Variants in RGL1 observed in about 807,000 individuals in gnomAD.
RGL1 encodes ral guanine nucleotide dissociation stimulator like 1, also known as ral guanine nucleotide dissociation stimulator-like 1.
A neutral mutation model predicts 95.2 loss-of-function variants in RGL1; 24 were observed. The observed-to-expected ratio is 0.25, with a 90% CI of 0.18 to 0.35. The LOEUF (loss-of-function observed/expected upper bound fraction) is 0.35. Among genes scored for constraint, RGL1 ranks in the 10% least tolerant of loss-of-function variants. The pLI, the probability that RGL1 is intolerant of heterozygous loss-of-function variation, is 1.00. For missense variants in RGL1, 715 were observed against 936.3 expected (o/e 0.76, Z 3.08); for synonymous variants, 329 against 344.9 (o/e 0.95, Z 0.51).
At chr1:183,673,551 CTG>C (rs1202471095) in intron 1 of RGL1, among the ~76,000 whole-genome samples, 2 of 152,198 alleles carry the variant, frequency 1.3e-5, no homozygotes, top group African/African-American at 4.8e-5. Context: ...CAAATGCCCT[CTG>C]TGTGACTTAA....
intron 1 of RGL1, among the ~76,000 whole-genome samples, chr1:183,659,668 C>A (rs895163659): frequency 6.6e-6 from 1 of 152,010 alleles, no homozygotes; most frequent in Non-Finnish European, 1.5e-5. Flanking sequence ...CCCAATCTAG[C>A]AAGGCAGGCC....
At chr1:183,890,537 G>C (rs1032347318) in intron 8 of RGL1, among the ~76,000 whole-genome samples, 2 of 152,122 alleles carry the variant, frequency 1.3e-5, no homozygotes, top group Admixed American at 1.3e-4. Context: ...TTCTATATCA[G>C]CTTTACATGT....
chr1:183,742,387 C>T, intron 2 of RGL1: 1 of 1,422,984 alleles, frequency 7.0e-7, no homozygotes, highest in Non-Finnish European at 9.8e-7. Context: ...GCCAGCTTGG[C>T]AAATCTTTAT....
chr1:183,818,049 A>G (rs574177460), intron 2 of RGL1, among the ~76,000 whole-genome samples: 30 of 152,348 alleles, frequency 2.0e-4, no homozygotes, highest in Non-Finnish European at 3.5e-4. Context: ...ATGTTGATCT[A>G]GACAATCCAC....
chr1:183,804,954 C>T (rs796199326), upstream of RGL1, among the ~76,000 whole-genome samples: 6 of 152,338 alleles, frequency 3.9e-5, no homozygotes, highest in African/African-American at 1.4e-4. Flanking sequence ...AGTGTTGTTT[C>T]CCAATCACCT....
At chr1:183,713,386 C>G (rs971182427) in intron 1 of RGL1, among the ~76,000 whole-genome samples, 6 of 140,834 alleles carry the variant, frequency 4.3e-5, no homozygotes, top group Non-Finnish European at 9.2e-5. Context: ...ACCCCCCCCC[C>G]CCGCTTTTAT....
intron 1 of RGL1, chr1:183,652,935 C>T (rs191744524): frequency 1.3e-5 from 2 of 152,354 alleles, no homozygotes; most frequent in East Asian, 3.9e-4. Context: ...AATCTGCTCT[C>T]ATTTCACTCA....
intron 1 of RGL1, among the ~76,000 whole-genome samples, chr1:183,665,374 T>G (rs1312989298): frequency 6.6e-6 from 1 of 152,152 alleles, no homozygotes; most frequent in African/African-American, 2.4e-5. Context: ...TTGTCTGGTT[T>G]TGGTATTAGA....
chr1:183,910,399 C>T (rs563088352), intron 14 of RGL1, among the ~76,000 whole-genome samples: 6 of 152,132 alleles, frequency 3.9e-5, no homozygotes, highest in Non-Finnish European at 7.4e-5. Context: ...GCCTGGCCCC[C>T]TGTTGATTTT....
At chr1:183,784,918 T>C (rs1660081702) in intron 2 of RGL1, among the ~76,000 whole-genome samples, 1 of 152,232 alleles carries the variant, frequency 6.6e-6, no homozygotes, top group Non-Finnish European at 1.5e-5. Flanking sequence ...CCCCTTCTAA[T>C]ACTGTGGCAT....
chr1:183,773,256 T>C (rs963400472), intron 2 of RGL1, among the ~76,000 whole-genome samples: 1 of 152,140 alleles, frequency 6.6e-6, no homozygotes, highest in African/African-American at 2.4e-5. Context: ...TGCATTTCCT[T>C]TATGTACACT....
intron 2 of RGL1, among the ~76,000 whole-genome samples, chr1:183,789,020 G>A (rs1660318188): frequency 6.6e-6 from 1 of 152,070 alleles, no homozygotes; most frequent in African/African-American, 2.4e-5. Context: ...GAATTCTATG[G>A]GCTTAGCCTG....
rs974607688 is a variant in RGL1, at chr1:183,737,971, G to A, written c.-32-4155G>A. On this transcript the variant is annotated intron_variant, in intron 1 of 18. Coordinates refer to the RGL1 transcript ENST00000304685. Reference sequence around the variant, plus strand: ...ATTGATTTCCAAAGGAGTCCGTAAGGCTTACGATATTTTAGACCAATTCTT... The same window carrying A: ...ATTGATTTCCAAAGGAGTCCGTAAGACTTACGATATTTTAGACCAATTCTT... Among the ~76,000 whole-genome samples, 3 of 152,256 alleles carry A rather than the reference G, an allele frequency of 2.0e-5. No individual in the cohort carries two copies. The East Asian group carries it at 5.8e-4, about 29-fold the overall frequency.
At chr1:183,686,974 G>A (rs1653628721) in intron 1 of RGL1, among the ~76,000 whole-genome samples, 1 of 152,068 alleles carries the variant, frequency 6.6e-6, no homozygotes, top group Non-Finnish European at 1.5e-5. Context: ...ACAAACCTTG[G>A]AATAACCTTT....
intron 2 of RGL1, among the ~76,000 whole-genome samples, chr1:183,815,354 T>C (rs1483417542): frequency 6.6e-6 from 1 of 152,174 alleles, no homozygotes; most frequent in Non-Finnish European, 1.5e-5. Flanking sequence ...ACTGAGGTAA[T>C]TGAAGCATTT....
At chr1:183,696,595 A>T (rs1378043541) in intron 1 of RGL1, among the ~76,000 whole-genome samples, 1 of 152,114 alleles carries the variant, frequency 6.6e-6, no homozygotes, top group Non-Finnish European at 1.5e-5. Flanking sequence ...TCCCAAATTT[A>T]TATCTCCAGC....
chr1:183,654,541 G>A lies in RGL1; in HGVS notation c.-33+18040G>A, dbSNP rs188552057. On this transcript the variant is annotated intron_variant, in intron 1 of 18. Coordinates refer to the RGL1 transcript ENST00000304685. Reference sequence around the variant, plus strand: ...GAGAACATGTTGGGGTTTTTCTCCCGCTAGCTGAAGAATCAAGTTCTGAGG... The same window carrying A: ...GAGAACATGTTGGGGTTTTTCTCCCACTAGCTGAAGAATCAAGTTCTGAGG... Among the ~76,000 whole-genome samples the A allele has an allele frequency of 1.8e-4, 27 of 152,254 alleles. No individual in the cohort carries two copies. In the East Asian group the frequency reaches 3.5e-3, roughly 20 times the overall value.
chr1:183,779,215 CCTTCCTTCCT>C lies in RGL1; in HGVS notation c.133-27159_133-27150del, dbSNP rs1558202427. Among the ~76,000 whole-genome samples the C allele has an allele frequency of 2.2e-4, 33 of 148,372 alleles. 1 individual carries two copies. Among genetic ancestry groups the C allele is most frequent in the Middle Eastern group, 3.2e-3 (1 of 314 alleles). On this transcript the variant is annotated intron_variant, in intron 2 of 18. Coordinates refer to the RGL1 transcript ENST00000304685. Reference sequence around the variant, plus strand: ...TCCTTCCTTCCTTCCTTCCTTCCTTCCTTCCTTCCTTCCCTCCCTCCCACCTTCCTTCCTC... The same window carrying C: ...TCCTTCCTTCCTTCCTTCCTTCCTTCTCCCTCCCTCCCACCTTCCTTCCTC...
chr1:183,704,855 G>A (rs1333576920), intron 1 of RGL1, among the ~76,000 whole-genome samples: 1 of 152,226 alleles, frequency 6.6e-6, no homozygotes, highest in African/African-American at 2.4e-5. Flanking sequence ...TCAAGGGTGA[G>A]GATAGCAGCT....
Sources: allele counts gnomAD v4.1 joint callset (sites outside exome capture counted in the v4.1 genomes callset), GRCh38; gene constraint gnomAD v4.1.1; transcripts MANE v1.5; gene names NCBI Gene and HGNC (gene_info 2026-07-23, HGNC 2026-07-21).